Variants in ZNF713 observed in about 807,000 individuals in gnomAD.
The protein encoded by ZNF713 is zinc finger protein 713.
In ZNF713, 21 loss-of-function variants were observed where a neutral mutation model predicts 28.7. That is an observed-to-expected ratio of 0.73 (90% CI 0.52 to 1.05). ZNF713 has a LOEUF of 1.05. Ranked by LOEUF, ZNF713 falls within the 50% of genes least tolerant of loss-of-function variation. The pLI is 0.00. For missense variants in ZNF713, 458 were observed against 532.4 expected (o/e 0.86, Z 1.37); for synonymous variants, 167 against 178.0 (o/e 0.94, Z 0.49).
At chr7:55,907,140 T>G (rs1785693937) in intron 2 of ZNF713, among the ~76,000 whole-genome samples, 1 of 152,206 alleles carries the variant, frequency 6.6e-6, no homozygotes, top group Non-Finnish European at 1.5e-5. Flanking sequence ...CTTCCCTGTT[T>G]GCTTCCTATG....
At chr7:55,893,772 A>C (rs1311904310) in intron 1 of ZNF713, among the ~76,000 whole-genome samples, 1 of 151,854 alleles carries the variant, frequency 6.6e-6, no homozygotes, top group South Asian at 2.1e-4. Context: ...TAGAGACAGC[A>C]TTTCACTATG....
rs1379092054 is a variant in ZNF713, at chr7:55,919,494, T to TTTTTG, written c.88-3664_88-3663insGTTTT. 3.0e-3 allele frequency among the ~76,000 whole-genome samples: 69 copies of TTTTTG among 22,698 alleles called. 4 individuals are homozygous for TTTTTG. The highest frequency in any genetic ancestry group is 0.026 in the African/African-American group (68 of 2,638). The allele number at this position is 22,698 out of a possible 152,430, so 14.9% of individuals were successfully genotyped here. On this transcript the variant is annotated intron_variant, in intron 4 of 6. Transcript: ENST00000429591. ...GATAAATTGGTAAACACTCCAGTTT[T>TTTTTG]TTTTTTTTTTTTTTTTTTTTTTTTT... is the stretch of plus-strand genomic sequence containing the variant.
intron 1 of ZNF713, among the ~76,000 whole-genome samples, chr7:55,904,137 C>G (rs780336043): frequency 2.9e-5 from 3 of 103,206 alleles, no homozygotes; most frequent in Non-Finnish European, 4.3e-5. Context: ...AGTCACCAGT[C>G]ACCAGTCACC....
chr7:55,938,649 T>A (rs1287282208), intron 6 of ZNF713, among the ~76,000 whole-genome samples: 2 of 152,200 alleles, frequency 1.3e-5, no homozygotes. Flanking sequence ...TAATTAATCA[T>A]TCCCCTGTCT....
rs1451227965 is a variant in ZNF713, at chr7:55,928,478, CAGAAAGAGACAGAATGTGAG to C, written c.307+4780_307+4799del. ...AAAGAAATGGAGGTGTAGAAGAGGT[CAGAAAGAGACAGAATGTGAG>C]TAAGGCAGGAGAGTGTTACAATGAG... is the stretch of plus-strand genomic sequence containing the variant. On this transcript the variant is annotated intron_variant, in intron 6 of 6. Transcript: ENST00000429591. Among the ~76,000 whole-genome samples the C allele has an allele frequency of 7.2e-5, 11 of 152,020 alleles. No homozygotes were observed. The East Asian group carries it at 1.7e-3, about 24-fold the overall frequency.
At chr7:55,931,901 G>A (rs554043564) in intron 6 of ZNF713, among the ~76,000 whole-genome samples, 6 of 152,172 alleles carry the variant, frequency 3.9e-5, no homozygotes, top group Admixed American at 6.5e-5. Flanking sequence ...ACCTCCCTGT[G>A]GGTTCAGGAA....
At position 55,923,710 on chromosome 7, in the gene ZNF713, ACTCT is replaced by A; in HGVS notation, c.307+12_307+15del. ...TGGATACTCATCCAGGTAAGTGCAC[ACTCT>A]TGGGCACTGCTACTTAATGAGGGAA... is the stretch of plus-strand genomic sequence containing the variant. On this transcript the variant is annotated intron_variant, in intron 6 of 6. Transcript: ENST00000429591. The A allele has an allele frequency of 6.2e-7, 1 of 1,602,796 alleles. No individual in the cohort carries two copies. Among genetic ancestry groups the A allele is most frequent in the Non-Finnish European group, 8.5e-7 (1 of 1,172,034 alleles).
intron 6 of ZNF713, among the ~76,000 whole-genome samples, chr7:55,934,884 C>CTT (rs35877447): frequency 1.6e-4 from 21 of 131,556 alleles, no homozygotes; most frequent in Admixed American, 3.1e-4. Flanking sequence ...CTGGCATTGC[C>CTT]TTTTTTTTTT....
chr7:55,939,011 T>G lies in ZNF713; in HGVS notation c.337T>G (p.Ser113Ala), dbSNP rs1786409618. The change falls in exon 7 of 7, where the codon TCA becomes GCA. Residue 113 changes from serine to alanine, a missense_variant. Ser to Ala is a moderately conservative substitution (Grantham distance 99). Transcript: ENST00000429591. Reference sequence around the variant, plus strand: ...AGAAAACAGACCCGAAATCAAAAAGTCAACCACAAGCCAGAATATTTCTGA... The same window carrying G: ...AGAAAACAGACCCGAAATCAAAAAGGCAACCACAAGCCAGAATATTTCTGA... ...DGENRPEIKK[S>A]TTSQNISDEN... 6.3e-7 allele frequency: 1 copy of G among 1,587,834 alleles called. No individual in the cohort carries two copies. Among genetic ancestry groups the G allele is most frequent in the African/African-American group, 1.4e-5 (1 of 73,466 alleles).
intron 4 of ZNF713, among the ~76,000 whole-genome samples, chr7:55,921,503 A>G (rs1393912573): frequency 1.3e-5 from 2 of 152,218 alleles, no homozygotes; most frequent in East Asian, 1.9e-4. Context: ...GAGGAGGTCA[A>G]ATATCAACAT....
intron 1 of ZNF713, among the ~76,000 whole-genome samples, chr7:55,905,875 G>T (rs1029204238): frequency 6.6e-6 from 1 of 151,894 alleles, no homozygotes; most frequent in Non-Finnish European, 1.5e-5. Context: ...AGACCGAGAC[G>T]GGCGCATCAC....
At chr7:55,906,730 C>T (rs1288797219) in intron 2 of ZNF713, among the ~76,000 whole-genome samples, 2 of 152,104 alleles carry the variant, frequency 1.3e-5, no homozygotes, top group Non-Finnish European at 2.9e-5. Flanking sequence ...CCATCACCAG[C>T]TGGGTTTGTG....
At chr7:55,936,317 A>G (rs1265968973) in intron 6 of ZNF713, among the ~76,000 whole-genome samples, 2 of 151,618 alleles carry the variant, frequency 1.3e-5, no homozygotes, top group African/African-American at 2.4e-5. Context: ...TTGGGTAAAG[A>G]GCAGAAAACC....
At chr7:55,912,796 C>T in intron 4 of ZNF713, 73 bp downstream of exon 4, 2 of 1,269,894 alleles carry the variant, frequency 1.6e-6, no homozygotes, top group Non-Finnish European at 2.3e-6. Flanking sequence ...TTTCATTTCT[C>T]AGAAGTGCTG....
At position 55,932,890 on chromosome 7, in the gene ZNF713, CAA is replaced by C. The variant is rs61092452; in HGVS notation, c.308-6073_308-6072del. Among the ~76,000 whole-genome samples, 279 of 47,790 alleles carry C rather than the reference CAA, an allele frequency of 5.8e-3. 8 individuals carry two copies. The highest frequency in any genetic ancestry group is 0.023 in the African/African-American group (263 of 11,256). 31.4% of individuals were successfully genotyped at this position (47,790 alleles called of 152,430 possible). A position where few individuals can be genotyped will look rare whatever the true frequency, so the allele number is the denominator to read the frequency against. Reference sequence around the variant, plus strand: ...TGGGCGACAGAGCGAGACTCCGTCTCAAAAAAAAAAAAAAAAAAAAGAAGCTA... The same window carrying C: ...TGGGCGACAGAGCGAGACTCCGTCTCAAAAAAAAAAAAAAAAAAGAAGCTA... On this transcript the variant is annotated intron_variant, in intron 6 of 6. Coordinates refer to ENST00000429591, the MANE Select transcript of ZNF713 (RefSeq NM_182633.3).
In ZNF713 at chr7:55,919,490, G is replaced by GTTTTTTTTT. The variant is rs55656709; in HGVS notation, c.88-3647_88-3639dup. Reference sequence around the variant, plus strand: ...GCTGGATAAATTGGTAAACACTCCAGTTTTTTTTTTTTTTTTTTTTTTTTT... The same window carrying GTTTTTTTTT: ...GCTGGATAAATTGGTAAACACTCCAGTTTTTTTTTTTTTTTTTTTTTTTTTTTTTTTTTT... On this transcript the variant is annotated intron_variant, in intron 4 of 6. Transcript: ENST00000429591. Among the ~76,000 whole-genome samples, 47 of 66,764 alleles carry GTTTTTTTTT rather than the reference G, an allele frequency of 7.0e-4. 7 individuals carry two copies. Among genetic ancestry groups the GTTTTTTTTT allele is most frequent in the Admixed American group, 1.1e-3 (6 of 5,522 alleles). The allele number at this position is 66,764 out of a possible 152,430, so 43.8% of individuals were successfully genotyped here.
chr7:55,927,920 AG>A (rs1786134058), intron 6 of ZNF713, among the ~76,000 whole-genome samples: 5 of 147,010 alleles, frequency 3.4e-5, no homozygotes, highest in Non-Finnish European at 6.0e-5. Flanking sequence ...AAAAAAAAAA[AG>A]CCACAAGAGA....
intron 1 of ZNF713, among the ~76,000 whole-genome samples, chr7:55,902,890 G>A (rs1446082040): frequency 6.6e-6 from 1 of 150,756 alleles, no homozygotes; most frequent in Non-Finnish European, 1.5e-5. Flanking sequence ...CTACTTGGAA[G>A]GCTGAGGCAG....
At chr7:55,933,941 A>C (rs1317413723) in intron 6 of ZNF713, among the ~76,000 whole-genome samples, 5 of 151,888 alleles carry the variant, frequency 3.3e-5, no homozygotes, top group Admixed American at 3.3e-4. Context: ...CCTGGGCTCA[A>C]GCATTTGCCC....
Sources: allele counts gnomAD v4.1 joint callset (sites outside exome capture counted in the v4.1 genomes callset), GRCh38; gene constraint gnomAD v4.1.1; transcripts MANE v1.5; gene names NCBI Gene and HGNC (gene_info 2026-07-23, HGNC 2026-07-21).